The following SEPTIN9 variants were observed in gnomAD, a reference collection of about 807,000 sequenced individuals.
SEPTIN9 encodes septin 9, also known as septin-9.
In SEPTIN9, 13 loss-of-function variants were observed where a neutral mutation model predicts 56.6. That is an observed-to-expected ratio of 0.23 (90% CI 0.15 to 0.37). The LOEUF (loss-of-function observed/expected upper bound fraction) is 0.37, where lower values mean the gene tolerates loss of function less well. SEPTIN9 is among the 10% of genes least tolerant of loss of function. The pLI, the probability that SEPTIN9 is intolerant of heterozygous loss-of-function variation, is 1.00. For synonymous variants in SEPTIN9, 332 were observed against 334.1 expected (o/e 0.99, Z 0.07); for missense variants, 650 against 823.1 (o/e 0.79, Z 2.57).
chr17:77,315,505 C>A (rs1370925510), intron 2 of SEPTIN9, among the ~76,000 whole-genome samples: 1 of 152,172 alleles, frequency 6.6e-6, no homozygotes, highest in Non-Finnish European at 1.5e-5. Context: ...TCAGGCTGGT[C>A]TGGAACCCCT....
intron 3 of SEPTIN9, among the ~76,000 whole-genome samples, chr17:77,478,900 G>A (rs1404616540): frequency 1.3e-5 from 2 of 152,160 alleles, no homozygotes; most frequent in Non-Finnish European, 2.9e-5. Context: ...AACCTTTCGG[G>A]TATTACGCTA....
Position 77,498,505 on chromosome 17 carries a change from C to A in SEPTIN9, c.1626-18C>A. The A allele has an allele frequency of 1.1e-5, 5 of 450,494 alleles. No homozygotes were observed. The highest frequency in any genetic ancestry group is 2.2e-5 in the Non-Finnish European group (5 of 229,854). 27.9% of individuals were successfully genotyped at this position (450,494 alleles called of 1,614,324 possible). A position where few individuals can be genotyped will look rare whatever the true frequency, so the allele number is the denominator to read the frequency against. ...GCTGCGCCCACCTCACTGACCCGCC[C>A]GCCCCCCACCCCCACAGGACGCACA... On this transcript the variant is annotated intron_variant, in intron 11 of 11. Coordinates refer to ENST00000427177, the MANE Select transcript of SEPTIN9 (RefSeq NM_001113491.2).
rs141492616 is a variant in SEPTIN9, at chr17:77,445,626, G to T, written c.722-36518G>T. 6 of 363,462 alleles carry T rather than the reference G, an allele frequency of 1.7e-5. No homozygotes were observed. Among genetic ancestry groups the T allele is most frequent in the Non-Finnish European group, 2.3e-5 (4 of 175,452 alleles). The allele number at this position is 363,462 out of a possible 1,614,324, so 22.5% of individuals were successfully genotyped here. On this transcript the variant is annotated intron_variant, in intron 3 of 11. Transcript: ENST00000427177. The surrounding 1 kb of genome is among the most constrained non-coding windows in gnomAD (Gnocchi z 4.7). Reference sequence around the variant, plus strand: ...GTGTTGCTGTGTGTTTCAGCAGCACGTGGGTGTCACCACACTTCCTAGCAG... The same window carrying T: ...GTGTTGCTGTGTGTTTCAGCAGCACTTGGGTGTCACCACACTTCCTAGCAG...
At chr17:77,454,446 C>G (rs530195508) in intron 3 of SEPTIN9, 9 of 871,640 alleles carry the variant, frequency 1.0e-5, no homozygotes, top group Non-Finnish European at 1.2e-5. Context: ...ATGCCCAGTC[C>G]GCTGTACGTG....
In SEPTIN9 at chr17:77,317,707, C is replaced by T. The variant is rs562580338; in HGVS notation, c.76+10510C>T. Among the ~76,000 whole-genome samples, 25 of 152,070 alleles carry T rather than the reference C, an allele frequency of 1.6e-4. No homozygotes were observed. In the East Asian group the frequency reaches 4.1e-3, roughly 25 times the overall value. On this transcript the variant is annotated intron_variant, in intron 2 of 11. Transcript: ENST00000427177. This position sits in a 1 kb window ranked among gnomAD's most constrained non-coding sequence, Gnocchi z 4.2. ...ACAATCAATACAACGTGCTTGTGGC[C>T]GGGTGCAGTGGCTCACACCTGTAAT... is the stretch of plus-strand genomic sequence containing the variant.
At position 77,405,423 on chromosome 17, in the gene SEPTIN9, C is replaced by A. The variant is rs902318421; in HGVS notation, c.721+2720C>A. On this transcript the variant is annotated intron_variant, in intron 3 of 11. Coordinates refer to ENST00000427177, the MANE Select transcript of SEPTIN9 (RefSeq NM_001113491.2). This position sits in a 1 kb window ranked among gnomAD's most constrained non-coding sequence, Gnocchi z 5.8. ...GCGTTCAGAGCTGCCAGGAACCTGG[C>A]GCTCTGGGGGGACGGTGGCTTTCTC... Among the ~76,000 whole-genome samples, 3 of 152,068 alleles carry A rather than the reference C, an allele frequency of 2.0e-5. No homozygotes were observed. Among genetic ancestry groups the A allele is most frequent in the Non-Finnish European group, 4.4e-5 (3 of 68,006 alleles).
intron 2 of SEPTIN9, among the ~76,000 whole-genome samples, chr17:77,384,770 G>A (rs945631224): frequency 1.3e-5 from 2 of 151,798 alleles, no homozygotes; most frequent in Non-Finnish European, 2.9e-5. Flanking sequence ...GGCCCAAAAT[G>A]TGTAGGGACC....
intron 3 of SEPTIN9, among the ~76,000 whole-genome samples, chr17:77,416,229 G>A (rs760591819): frequency 2.6e-5 from 4 of 152,172 alleles, no homozygotes; most frequent in Admixed American, 6.5e-5. Context: ...GCTGGAGAGG[G>A]TCAAGGGCTG....
chr17:77,375,202 T>A (rs2034877824), intron 2 of SEPTIN9: 1 of 152,620 alleles, frequency 6.6e-6, no homozygotes, highest in African/African-American at 2.4e-5. Flanking sequence ...CGACCGCTCC[T>A]CCAGGGGCCT....
chr17:77,380,199 A>G (rs1406935585), intron 2 of SEPTIN9: 1 of 95,982 alleles, frequency 1.0e-5, no homozygotes, highest in Non-Finnish European at 2.0e-5. Context: ...CAATGCCCAG[A>G]AACTTAGAGG....
At position 77,449,475 on chromosome 17, in the gene SEPTIN9, TG is replaced by T. The variant is rs1297498321; in HGVS notation, c.722-32663del. On this transcript the variant is annotated intron_variant, in intron 3 of 11. Coordinates refer to ENST00000427177, the MANE Select transcript of SEPTIN9 (RefSeq NM_001113491.2). This position sits in a 1 kb window ranked among gnomAD's most constrained non-coding sequence, Gnocchi z 4.6. ...AGGGTCTTGGGCCCTGGGAAAAGCC[TG>T]GGGGGCCAGAAAGCTGGGGGACAGA... is the stretch of plus-strand genomic sequence containing the variant. 6.6e-6 allele frequency among the ~76,000 whole-genome samples: 1 copy of T among 151,862 alleles called. No homozygotes were observed. The highest frequency in any genetic ancestry group is 1.5e-5 in the Non-Finnish European group (1 of 67,970).
intron 2 of SEPTIN9, among the ~76,000 whole-genome samples, chr17:77,351,654 A>G (rs2034069106): frequency 1.3e-5 from 2 of 152,190 alleles, no homozygotes; most frequent in African/African-American, 4.8e-5. Context: ...AAGGTCAGAG[A>G]GCCGAGAAGG....
At chr17:77,447,985 A>T (rs1190376898) in intron 3 of SEPTIN9, among the ~76,000 whole-genome samples, 1 of 152,198 alleles carries the variant, frequency 6.6e-6, no homozygotes, top group Non-Finnish European at 1.5e-5. Flanking sequence ...CAGGCGGGTG[A>T]CACTGATGGT....
chr17:77,425,855 G>C lies in SEPTIN9; in HGVS notation c.721+23152G>C, dbSNP rs528321717. ...CAGCTGTGTCTGACCCTGGTTGTGC[G>C]GTCTTGGACAGTCCCAGCCCTCCTG... is the stretch of plus-strand genomic sequence containing the variant. On this transcript the variant is annotated intron_variant, in intron 3 of 11. Transcript: ENST00000427177. This position sits in a 1 kb window ranked among gnomAD's most constrained non-coding sequence, Gnocchi z 4.2. Among the ~76,000 whole-genome samples the C allele has an allele frequency of 9.8e-5, 15 of 152,332 alleles. No individual in the cohort carries two copies. In the South Asian group the frequency reaches 2.3e-3, roughly 23 times the overall value.
At chr17:77,496,248 C>T (rs1475619916) in intron 10 of SEPTIN9, 1 of 152,006 alleles carries the variant, frequency 6.6e-6, no homozygotes, top group African/African-American at 2.4e-5. Context: ...AGGCTGGTCT[C>T]GAACTCCTGA....
intron 2 of SEPTIN9, among the ~76,000 whole-genome samples, chr17:77,391,636 G>A (rs1024126158): frequency 6.6e-6 from 1 of 152,182 alleles, no homozygotes; most frequent in Non-Finnish European, 1.5e-5. Flanking sequence ...ATATCGTTTT[G>A]GGGGACACTG....
intron 2 of SEPTIN9, chr17:77,373,764 C>T (rs960844523): frequency 1.6e-5 from 15 of 920,194 alleles, no homozygotes; most frequent in Middle Eastern, 3.7e-4. Flanking sequence ...GGGGCACCCG[C>T]GTAGACCCTG....
At chr17:77,447,163 G>A (rs146458512) in intron 3 of SEPTIN9, 1 of 167,176 alleles carries the variant, frequency 6.0e-6, no homozygotes, top group Non-Finnish European at 1.5e-5. Flanking sequence ...ATAAACATGA[G>A]CACGATGAGT....
At position 77,350,005 on chromosome 17, in the gene SEPTIN9, C is replaced by G. The variant is rs1333669386; in HGVS notation, c.76+42808C>G. 3.9e-5 allele frequency among the ~76,000 whole-genome samples: 6 copies of G among 152,334 alleles called. No homozygotes were observed. In the East Asian group the frequency reaches 9.7e-4, roughly 25 times the overall value. ...AAAGTGGAATTCCTGGTCTGGGTGG[C>G]TATGGTGCCCTAGACCACTGGCTAG... On this transcript the variant is annotated intron_variant, in intron 2 of 11. Coordinates refer to ENST00000427177, the MANE Select transcript of SEPTIN9 (RefSeq NM_001113491.2).
Sources: allele counts gnomAD v4.1 joint callset (sites outside exome capture counted in the v4.1 genomes callset), GRCh38; gene constraint gnomAD v4.1.1; non-coding constraint Gnocchi (gnomAD v3.1); transcripts MANE v1.5; gene names NCBI Gene and HGNC (gene_info 2026-07-23, HGNC 2026-07-21).